The following USP40 variants were observed in gnomAD, a reference collection of about 807,000 sequenced individuals.
USP40 encodes the protein ubiquitin specific peptidase 40.
USP40 carries 143 observed loss-of-function variants against 166.2 expected under a neutral mutation model. The observed-to-expected ratio is 0.86, with a 90% CI of 0.75 to 0.99. USP40 has a LOEUF of 0.99. Among genes scored for constraint, USP40 ranks in the 50% least tolerant of loss-of-function variants. USP40 has a pLI of 0.00. For synonymous variants in USP40, 498 were observed against 524.0 expected (o/e 0.95, Z 0.68); for missense variants, 1,444 against 1,479.7 (o/e 0.98, Z 0.40).
chr2:233,525,783 C>G (rs976490082), intron 13 of USP40, among the ~76,000 whole-genome samples: 1 of 152,168 alleles, frequency 6.6e-6, no homozygotes, highest in African/African-American at 2.4e-5. Context: ...GTGAAGAATT[C>G]TGGCCTACAC....
intron 10 of USP40, among the ~76,000 whole-genome samples, chr2:233,537,249 T>C (rs1462309265): frequency 2.6e-5 from 4 of 152,164 alleles, no homozygotes. Context: ...CTAGGCCATA[T>C]GCAAATACTA....
chr2:233,522,155 T>C (rs1267252473), intron 16 of USP40, among the ~76,000 whole-genome samples: 11 of 152,168 alleles, frequency 7.2e-5, no homozygotes, highest in Non-Finnish European at 4.4e-5. Context: ...ATCTCAAGGT[T>C]GGGCAGGGGT....
chr2:233,549,093 A>G lies in USP40; in HGVS notation c.966+8T>C, dbSNP rs751016165. Reference sequence around the variant, plus strand: ...CAAAGATATTTCTAAACGAATTTCTATACGTACTTGAAACTGCCAGTTTCC... The same window carrying G: ...CAAAGATATTTCTAAACGAATTTCTGTACGTACTTGAAACTGCCAGTTTCC... On this transcript the variant is annotated splice_region_variant and intron_variant, in intron 8 of 31. Transcript: ENST00000678225. The G allele has an allele frequency of 6.3e-7, 1 of 1,588,234 alleles. No individual in the cohort carries two copies. The highest frequency in any genetic ancestry group is 8.5e-7 in the Non-Finnish European group (1 of 1,169,806).
At chr2:233,482,314 A>T (rs138330809) in intron 30 of USP40, among the ~76,000 whole-genome samples, 1 of 151,916 alleles carries the variant, frequency 6.6e-6, no homozygotes, top group East Asian at 1.9e-4. Context: ...CAGTGAGTCA[A>T]GATTGCGCCA....
intron 31 of USP40, among the ~76,000 whole-genome samples, chr2:233,478,865 C>T (rs556661093): frequency 2.6e-5 from 4 of 152,290 alleles, no homozygotes; most frequent in African/African-American, 9.6e-5. Flanking sequence ...TCTGAAAGGA[C>T]ATGCAGGTGA....
intron 12 of USP40, among the ~76,000 whole-genome samples, chr2:233,528,481 C>T (rs1377469140): frequency 6.6e-6 from 1 of 152,190 alleles, no homozygotes; most frequent in Non-Finnish European, 1.5e-5. Context: ...CAGGACACTT[C>T]AATGAACATG....
intron 1 of USP40, 79 bp from the exon 2 acceptor site, chr2:233,565,652 CGATT>C: frequency 8.1e-7 from 1 of 1,233,850 alleles, no homozygotes; most frequent in Non-Finnish European, 1.1e-6. Flanking sequence ...ACTTGGGAGT[CGATT>C]CTGTTGTTTC....
At chr2:233,545,240 G>A (rs142907683) in intron 8 of USP40, among the ~76,000 whole-genome samples, 144 of 152,232 alleles carry the variant, frequency 9.5e-4, no homozygotes, top group Middle Eastern at 3.4e-3. Context: ...TTATGACAAC[G>A]GGATAAGAGA....
chr2:233,556,236 T>C lies in USP40; in HGVS notation c.546+619A>G, dbSNP rs150417088. On this transcript the variant is annotated intron_variant, in intron 5 of 31. Transcript: ENST00000678225. ...AGTGATGAATTCAGTGATAATTGAC[T>C]ATATAAGATTTGTAGGGCAAACAGG... Among the ~76,000 whole-genome samples, 977 of 152,222 alleles carry C rather than the reference T, an allele frequency of 6.4e-3. 4 individuals are homozygous for C. The highest frequency in any genetic ancestry group is 0.022 in the African/African-American group (924 of 41,538).
At position 233,477,091 on chromosome 2, in the gene USP40, AT is replaced by A. The variant is rs1413576005; in HGVS notation, c.*300del. 2.5e-6 allele frequency: 1 copy of A among 402,424 alleles called. No individual in the cohort carries two copies. The highest frequency in any genetic ancestry group is 4.7e-6 in the Non-Finnish European group (1 of 211,460). 24.9% of individuals were successfully genotyped at this position (402,424 alleles called of 1,614,324 possible). On this transcript the variant is annotated 3_prime_UTR_variant, in exon 32 of 32. Coordinates refer to ENST00000678225, the MANE Select transcript of USP40 (RefSeq NM_001365479.2). Reference sequence around the variant, plus strand: ...CCTGCGGTTCACGCACACGTTGTGCATTTTCTGGTTAAAAGAAAAAAAAAGG... The same window carrying A: ...CCTGCGGTTCACGCACACGTTGTGCATTTCTGGTTAAAAGAAAAAAAAAGG...
intron 2 of USP40, among the ~76,000 whole-genome samples, 191 bp from the exon 3 acceptor site, chr2:233,562,994 T>A (rs1349114425): frequency 6.6e-6 from 1 of 152,198 alleles, no homozygotes; most frequent in Non-Finnish European, 1.5e-5. Flanking sequence ...GAAAATAGTG[T>A]CATGCTAAGG....
intron 31 of USP40, among the ~76,000 whole-genome samples, chr2:233,478,376 G>A (rs1257564794): frequency 6.6e-6 from 1 of 152,188 alleles, no homozygotes; most frequent in African/African-American, 2.4e-5. Context: ...ATAGGCATGT[G>A]GCACTGTCTC....
chr2:233,507,401 C>T (rs1437717939), intron 21 of USP40, among the ~76,000 whole-genome samples: 1 of 152,030 alleles, frequency 6.6e-6, no homozygotes, highest in African/African-American at 2.4e-5. Flanking sequence ...TATTTACAAT[C>T]GCCAAGATAT....
rs762213017 is a variant in USP40, at chr2:233,554,401, G to A, written c.672C>T (p.Asp224=). 1 of 1,612,108 alleles carries A rather than the reference G, an allele frequency of 6.2e-7. No homozygotes were observed. The highest frequency in any genetic ancestry group is 1.1e-5 in the South Asian group (1 of 90,756). The part of the protein sequence containing the change: ...CDNLYHCGTC[D]RLVKAAKSAK... ...TTACCTTTGCTGCTTTAACCAGCCTGTCACAAGTTCCACAGTGGTACAAGT... is the reference window on the plus strand; with the variant it reads ...TTACCTTTGCTGCTTTAACCAGCCTATCACAAGTTCCACAGTGGTACAAGT... The change falls in exon 6 of 32, where the codon GAC becomes GAT. Residue 224 remains aspartate (D), a synonymous_variant. Coordinates refer to ENST00000678225, the MANE Select transcript of USP40 (RefSeq NM_001365479.2).
intron 10 of USP40, among the ~76,000 whole-genome samples, chr2:233,538,493 T>C (rs756448654): frequency 1.5e-4 from 23 of 152,082 alleles, no homozygotes; most frequent in Non-Finnish European, 2.9e-4. Flanking sequence ...GAAAAAGGAA[T>C]CATAAGTTCA....
At chr2:233,548,373 A>T (rs2070197273) in intron 8 of USP40, among the ~76,000 whole-genome samples, 1 of 152,188 alleles carries the variant, frequency 6.6e-6, no homozygotes, top group Non-Finnish European at 1.5e-5. Flanking sequence ...TCACATGTTC[A>T]CCTGCCATCT....
At chr2:233,543,500 G>A (rs896561149) in intron 8 of USP40, among the ~76,000 whole-genome samples, 1 of 152,160 alleles carries the variant, frequency 6.6e-6, no homozygotes, top group Non-Finnish European at 1.5e-5. Flanking sequence ...AAATTCATAC[G>A]TTGAAACCTA....
At chr2:233,529,914 C>A (rs2068376532) in intron 11 of USP40, among the ~76,000 whole-genome samples, 1 of 150,260 alleles carries the variant, frequency 6.7e-6, no homozygotes. Context: ...AATTCTCGTG[C>A]CTCAGCCTCT....
At chr2:233,518,514 C>T (rs192184297) in intron 18 of USP40, among the ~76,000 whole-genome samples, 17 of 141,970 alleles carry the variant, frequency 1.2e-4, no homozygotes, top group African/African-American at 2.9e-4. Context: ...TTGCAGTGAG[C>T]GGAGATCGTG....
Sources: allele counts gnomAD v4.1 joint callset (sites outside exome capture counted in the v4.1 genomes callset), GRCh38; gene constraint gnomAD v4.1.1; transcripts MANE v1.5; gene names NCBI Gene and HGNC (gene_info 2026-07-23, HGNC 2026-07-21).